EFNA5: variants seen among roughly 807,000 people sequenced by gnomAD.
EFNA5 encodes the protein ephrin-A5.
EFNA5 carries 5 observed loss-of-function variants against 22.9 expected under a neutral mutation model. The ratio of observed to expected loss-of-function variants is 0.22; its 90% CI spans 0.11 to 0.46. The LOEUF is 0.46. Ranked by LOEUF, EFNA5 falls within the 20% of genes least tolerant of loss-of-function variation. The probability of loss-of-function intolerance (pLI) is 0.99; values close to 1 mark genes in which losing one functional copy is unlikely to be tolerated. For synonymous variants in EFNA5, 113 were observed against 112.2 expected, an observed-to-expected ratio of 1.01 and a Z score of -0.04; for missense variants, 237 against 293.3, an observed-to-expected ratio of 0.81 and a Z score of 1.40.
chr5:107,434,419 G>A (rs1749054587), intron 1 of EFNA5, among the ~76,000 whole-genome samples: 1 of 152,218 alleles, frequency 6.6e-6, no homozygotes, highest in South Asian at 2.1e-4. Flanking sequence ...CAGAGGAGCA[G>A]CACCATAATC....
intron 1 of EFNA5, among the ~76,000 whole-genome samples, chr5:107,522,585 AT>A (rs557735786): frequency 4.6e-5 from 7 of 151,838 alleles, no homozygotes; most frequent in Non-Finnish European, 1.0e-4. Flanking sequence ...TAAATTATTT[AT>A]TTTTTTTAGA....
intron 1 of EFNA5, among the ~76,000 whole-genome samples, chr5:107,611,927 G>A (rs553049728): frequency 1.2e-4 from 19 of 152,244 alleles, no homozygotes; most frequent in Middle Eastern, 3.4e-3. Flanking sequence ...TTCTCTGCTC[G>A]TTTTCATTTA....
chr5:107,500,881 C>CAA (rs10655416), intron 1 of EFNA5, among the ~76,000 whole-genome samples: 6 of 136,316 alleles, frequency 4.4e-5, no homozygotes, highest in African/African-American at 1.7e-4. Context: ...TAAAAAAAAA[C>CAA]AAAACAAAAA....
intron 1 of EFNA5, among the ~76,000 whole-genome samples, chr5:107,488,920 T>A (rs1240368344): frequency 6.6e-6 from 1 of 152,026 alleles, no homozygotes; most frequent in East Asian, 1.9e-4. Flanking sequence ...CTTGAACTCC[T>A]GACCTCACGA....
At chr5:107,469,909 T>C (rs917457552) in intron 1 of EFNA5, among the ~76,000 whole-genome samples, 3 of 152,188 alleles carry the variant, frequency 2.0e-5, no homozygotes, top group Non-Finnish European at 2.9e-5. Context: ...AACAACTCTT[T>C]CTAGCAATGA....
intron 1 of EFNA5, among the ~76,000 whole-genome samples, chr5:107,489,770 C>A (rs761369488): frequency 9.2e-4 from 140 of 151,998 alleles, no homozygotes; most frequent in Admixed American, 1.3e-3. Context: ...ATAGCAAGGA[C>A]TATGTACAGG....
At chr5:107,524,736 G>A (rs899558035) in intron 1 of EFNA5, among the ~76,000 whole-genome samples, 8 of 152,150 alleles carry the variant, frequency 5.3e-5, no homozygotes, top group African/African-American at 1.9e-4. Context: ...CAGGCCTAGA[G>A]TGAACCAGCA....
intron 2 of EFNA5, among the ~76,000 whole-genome samples, chr5:107,421,204 T>A (rs370220069): frequency 6.6e-6 from 1 of 152,330 alleles, no homozygotes; most frequent in East Asian, 1.9e-4. Flanking sequence ...ACTTTTAATC[T>A]AAATACCTAA....
At chr5:107,448,573 G>A (rs866564586) in intron 1 of EFNA5, among the ~76,000 whole-genome samples, 25 of 152,068 alleles carry the variant, frequency 1.6e-4, no homozygotes, top group African/African-American at 4.8e-4. Context: ...GCTCACACCC[G>A]TAATCCCAGC....
At chr5:107,568,906 T>C (rs776618727) in intron 1 of EFNA5, among the ~76,000 whole-genome samples, 1 of 152,200 alleles carries the variant, frequency 6.6e-6, no homozygotes, top group East Asian at 1.9e-4. Context: ...GGTGTATCTA[T>C]AATAGGAACT....
At chr5:107,637,512 G>GTGTGTGTC (rs1554070629) in intron 1 of EFNA5, among the ~76,000 whole-genome samples, 5 of 150,886 alleles carry the variant, frequency 3.3e-5, no homozygotes, top group Admixed American at 6.7e-5. Flanking sequence ...GTGTGTGTGT[G>GTGTGTGTC]TGTGTCTGTG....
At chr5:107,548,624 C>G (rs546983379) in intron 1 of EFNA5, among the ~76,000 whole-genome samples, 2 of 152,266 alleles carry the variant, frequency 1.3e-5, no homozygotes, top group African/African-American at 4.8e-5. Flanking sequence ...CTGAAATGTA[C>G]AGCTGACGTG....
chr5:107,469,936 G>A (rs1456821363), intron 1 of EFNA5, among the ~76,000 whole-genome samples: 11 of 152,146 alleles, frequency 7.2e-5, no homozygotes, highest in Admixed American at 2.6e-4. Flanking sequence ...AAGAGGTGAT[G>A]ATTTCCTCCA....
At chr5:107,494,131 G>A (rs1339364308) in intron 1 of EFNA5, among the ~76,000 whole-genome samples, 2 of 152,192 alleles carry the variant, frequency 1.3e-5, no homozygotes, top group Non-Finnish European at 2.9e-5. Context: ...CCTCTGCCTG[G>A]GCTCCCACTT....
rs191432772 is a variant in EFNA5 at position 107,654,479 on chromosome 5, T to C, written c.125+16010A>G. 5.3e-5 allele frequency among the ~76,000 whole-genome samples: 8 copies of C among 152,272 alleles called. No individual in the cohort carries two copies. In the East Asian group the frequency reaches 1.4e-3, roughly 26 times the overall value. Reference sequence around the variant, plus strand: ...CCTAAGGAAGAAATTCATAGTTGTCTGCCATAACCAACTATAATACTCATT... The same window carrying C: ...CCTAAGGAAGAAATTCATAGTTGTCCGCCATAACCAACTATAATACTCATT... On this transcript the variant is annotated intron_variant, in intron 1 of 4. Coordinates refer to ENST00000333274, the MANE Select transcript of EFNA5 (RefSeq NM_001962.3).
intron 1 of EFNA5, among the ~76,000 whole-genome samples, chr5:107,615,617 C>A (rs1367181457): frequency 2.0e-5 from 3 of 152,250 alleles, no homozygotes; most frequent in East Asian, 3.9e-4. Flanking sequence ...AGTACAGATT[C>A]CCATTATGCA....
chr5:107,592,589 T>G (rs1010734211), intron 1 of EFNA5, among the ~76,000 whole-genome samples: 7 of 152,178 alleles, frequency 4.6e-5, no homozygotes, highest in African/African-American at 1.7e-4. Context: ...TGTTATCTCT[T>G]AGCTTTAAAT....
chr5:107,469,042 A>G (rs917627858), intron 1 of EFNA5, among the ~76,000 whole-genome samples: 1 of 152,218 alleles, frequency 6.6e-6, no homozygotes. Flanking sequence ...AGCAGGACCA[A>G]CTAAGTGCTT....
intron 1 of EFNA5, among the ~76,000 whole-genome samples, chr5:107,644,200 A>G (rs1194253153): frequency 1.3e-5 from 2 of 152,112 alleles, no homozygotes; most frequent in Non-Finnish European, 1.5e-5. Flanking sequence ...TGCTGGAGAC[A>G]ATACAGGGGA....
Sources: gnomAD v4.1 joint callset for allele counts (sites outside exome capture counted in the v4.1 genomes callset) on GRCh38, gnomAD v4.1.1 for gene constraint, MANE v1.5 for transcripts, NCBI Gene and HGNC (gene_info 2026-07-23, HGNC 2026-07-21) for gene names.